ERC2: variants seen among roughly 807,000 people sequenced by gnomAD.
ERC2 encodes the protein ERC protein 2.
Under a neutral mutation model 114.8 loss-of-function variants are expected in ERC2, and 42 were observed. The observed-to-expected ratio is 0.37, with a 90% CI of 0.29 to 0.47. The LOEUF is 0.47. Ranked by LOEUF, ERC2 falls within the 20% of genes least tolerant of loss-of-function variation. The pLI is 0.99. For synonymous variants in ERC2, 454 were observed against 425.5 expected, an observed-to-expected ratio of 1.07 and a Z score of -0.82; for missense variants, 939 against 1,150.7, an observed-to-expected ratio of 0.82 and a Z score of 2.66.
intron 10 of ERC2, among the ~76,000 whole-genome samples, chr3:55,992,753 A>T (rs2071180828): frequency 6.6e-6 from 1 of 152,244 alleles, no homozygotes; most frequent in Non-Finnish European, 1.5e-5. Context: ...ATAATTGAAC[A>T]TGTCATTCCA....
Position 56,379,567 on chromosome 3 carries a change from G to A in ERC2, c.657+54784C>T, listed in dbSNP as rs556003691. Among the ~76,000 whole-genome samples the A allele has an allele frequency of 2.2e-3, 336 of 152,246 alleles. 1 individual carries two copies. Among genetic ancestry groups the A allele is most frequent in the African/African-American group, 7.8e-3 (323 of 41,544 alleles). ...TTCCCTAAGGTCACACTTCAAGCAG[G>A]TGGTGATGCTTGGATTTCAACTCGA... On this transcript the variant is annotated intron_variant, in intron 2 of 17. Transcript: ENST00000288221.
At chr3:55,937,928 C>T (rs1272029830) in intron 13 of ERC2, among the ~76,000 whole-genome samples, 1 of 152,212 alleles carries the variant, frequency 6.6e-6, no homozygotes, top group Non-Finnish European at 1.5e-5. Flanking sequence ...AGCCTAGAAA[C>T]ACATGCAGGG....
At chr3:56,265,179 C>T (rs2053211550) in intron 3 of ERC2, among the ~76,000 whole-genome samples, 1 of 152,090 alleles carries the variant, frequency 6.6e-6, no homozygotes, top group Non-Finnish European at 1.5e-5. Flanking sequence ...AAAGTGGAGG[C>T]ATCACACTCC....
chr3:56,231,496 A>G (rs923480580), intron 3 of ERC2, among the ~76,000 whole-genome samples: 8 of 152,128 alleles, frequency 5.3e-5, no homozygotes, highest in East Asian at 1.9e-4. Flanking sequence ...CCCTCAACCA[A>G]CTATGCATGT....
chr3:55,885,665 A>G (rs555165103), intron 14 of ERC2, among the ~76,000 whole-genome samples: 2 of 152,340 alleles, frequency 1.3e-5, no homozygotes, highest in South Asian at 2.1e-4. Flanking sequence ...AAAAGTTTAT[A>G]TGTTTTAGAA....
Position 55,831,975 on chromosome 3 carries a change from T to C in ERC2, c.2564+56414A>G, listed in dbSNP as rs149840673. Among the ~76,000 whole-genome samples, 511 of 152,176 alleles carry C rather than the reference T, an allele frequency of 3.4e-3. 12 individuals carry two copies. Among genetic ancestry groups the C allele is most frequent in the Admixed American group, 0.025 (382 of 15,294 alleles). ...TACATCCCGCACATGGCTCAGAGGG[T>C]CCTACGTCCACGGAGTTTCACTGAT... On this transcript the variant is annotated intron_variant, in intron 14 of 17. Transcript: ENST00000288221.
intron 2 of ERC2, among the ~76,000 whole-genome samples, chr3:56,325,943 A>G (rs536828044): frequency 1.3e-5 from 2 of 152,296 alleles, no homozygotes; most frequent in African/African-American, 4.8e-5. Flanking sequence ...TGACTGGATA[A>G]TGAACTAGAG....
chr3:56,267,241 C>T (rs976366774), intron 3 of ERC2, among the ~76,000 whole-genome samples: 2 of 152,116 alleles, frequency 1.3e-5, no homozygotes, highest in Non-Finnish European at 2.9e-5. Context: ...ATTTAGGATA[C>T]TCAACCTGTA....
chr3:55,513,566 C>A (rs1351546259), intron 17 of ERC2, among the ~76,000 whole-genome samples: 1 of 152,044 alleles, frequency 6.6e-6, no homozygotes, highest in Non-Finnish European at 1.5e-5. Flanking sequence ...ACTGCAGAGT[C>A]CCCTTCTGAT....
intron 3 of ERC2, among the ~76,000 whole-genome samples, chr3:56,202,175 C>T (rs1286146036): frequency 1.3e-5 from 2 of 152,160 alleles, no homozygotes; most frequent in African/African-American, 2.4e-5. Flanking sequence ...CCAAGAACAT[C>T]CCCAGGTAAA....
At chr3:56,018,360 C>T (rs1311899168) in intron 8 of ERC2, among the ~76,000 whole-genome samples, 4 of 152,158 alleles carry the variant, frequency 2.6e-5, no homozygotes, top group African/African-American at 7.2e-5. Context: ...ATGAAGCTGA[C>T]CTCTCAGAAG....
rs539395873 is a variant in ERC2, at chr3:56,098,276, G to A, written c.1474-17292C>T. ...GACTCCTTTATAAACCATACGAATA[G>A]CAGAATTTGAGTCTTTTAAGAAGCA... On this transcript the variant is annotated intron_variant, in intron 6 of 17. Coordinates refer to ENST00000288221, the MANE Select transcript of ERC2 (RefSeq NM_015576.3). Among the ~76,000 whole-genome samples, 11 of 152,260 alleles carry A rather than the reference G, an allele frequency of 7.2e-5. No individual in the cohort carries two copies. In the East Asian group the frequency reaches 2.1e-3, roughly 29 times the overall value.
chr3:55,583,537 CT>C lies in ERC2; in HGVS notation c.*40-72262del, dbSNP rs2057420010. Among the ~76,000 whole-genome samples the C allele has an allele frequency of 1.4e-4, 7 of 50,954 alleles. 1 individual carries two copies. Among genetic ancestry groups the C allele is most frequent in the African/African-American group, 4.9e-4 (7 of 14,228 alleles). The allele number at this position is 50,954 out of a possible 152,430, so 33.4% of individuals were successfully genotyped here. ...CCTCCCTCCCTCCCTTCCTTCCTTC[CT>C]TCCTTTCTTCCTTCCTTCCTTCCTT... On this transcript the variant is annotated intron_variant, in intron 17 of 17. Transcript: ENST00000288221.
intron 6 of ERC2, among the ~76,000 whole-genome samples, chr3:56,114,839 A>C (rs1484879861): frequency 6.6e-6 from 1 of 152,216 alleles, no homozygotes; most frequent in Non-Finnish European, 1.5e-5. Context: ...TGATAGTTTA[A>C]TTTTGAAACA....
chr3:55,959,869 T>C (rs1044686819), intron 12 of ERC2, among the ~76,000 whole-genome samples: 1 of 152,202 alleles, frequency 6.6e-6, no homozygotes, highest in Admixed American at 6.5e-5. Context: ...TCAAAGCTGG[T>C]GGCAGATGCA....
chr3:56,175,519 C>T (rs1029921677), intron 3 of ERC2, among the ~76,000 whole-genome samples: 6 of 152,074 alleles, frequency 3.9e-5, no homozygotes, highest in African/African-American at 1.4e-4. Context: ...AAGGAAGGAC[C>T]CTAAAGGCAG....
chr3:56,207,883 C>T (rs1560375555), intron 3 of ERC2, among the ~76,000 whole-genome samples: 1 of 152,114 alleles, frequency 6.6e-6, no homozygotes, highest in Admixed American at 6.6e-5. Context: ...CTGCACACTT[C>T]AGGAGTCTAG....
At chr3:55,745,437 G>A (rs905237195) in intron 14 of ERC2, among the ~76,000 whole-genome samples, 1 of 152,166 alleles carries the variant, frequency 6.6e-6, no homozygotes, top group Non-Finnish European at 1.5e-5. Context: ...TAAAAAATTG[G>A]TAAATCTAGG....
At chr3:56,188,153 C>T (rs1193650677) in intron 3 of ERC2, among the ~76,000 whole-genome samples, 1 of 152,174 alleles carries the variant, frequency 6.6e-6, no homozygotes, top group Admixed American at 6.5e-5. Flanking sequence ...TTCCTCTGAA[C>T]ACAACTTGAG....
Sources: allele counts gnomAD v4.1 joint callset (sites outside exome capture counted in the v4.1 genomes callset), GRCh38; gene constraint gnomAD v4.1.1; transcripts MANE v1.5; gene names NCBI Gene and HGNC (gene_info 2026-07-23, HGNC 2026-07-21).